Variants in ENTREP2 observed in about 807,000 individuals in gnomAD.
ENTREP2 encodes endosomal transmembrane epsin interactor 2.
At chr15:29,170,582 G>C in the ENTREP2 span, among the ~76,000 whole-genome samples, 1 of 150,006 alleles carries the variant, frequency 6.7e-6, no homozygotes, top group South Asian at 2.1e-4. Context: ...CAACAAGACT[G>C]TGTGTGTGTG....
chr15:29,137,145 T>A, the ENTREP2 span: 1 of 1,480,682 alleles, frequency 6.8e-7, no homozygotes, highest in Non-Finnish European at 8.9e-7. Flanking sequence ...AACGGTGCCG[T>A]GAGGAGTCAC....
At chr15:29,524,821 G>A in the ENTREP2 span, among the ~76,000 whole-genome samples, 1 of 152,228 alleles carries the variant, frequency 6.6e-6, no homozygotes, top group Non-Finnish European at 1.5e-5. Context: ...TGGACCAGAA[G>A]AGTGTGCAGT....
At chr15:29,313,813 A>G in the ENTREP2 span, among the ~76,000 whole-genome samples, 4 of 152,338 alleles carry the variant, frequency 2.6e-5, no homozygotes, top group South Asian at 8.3e-4. Flanking sequence ...TGATCCTGTA[A>G]TAAATCTGGG....
chr15:29,635,407 C>T, the ENTREP2 span, among the ~76,000 whole-genome samples: 2,006 of 152,278 alleles, frequency 0.013, 43 homozygotes, highest in African/African-American at 0.044. Context: ...AGGGGCCATG[C>T]TGGGTCTCCC....
At chr15:29,504,813 T>C in the ENTREP2 span, among the ~76,000 whole-genome samples, 2 of 152,248 alleles carry the variant, frequency 1.3e-5, no homozygotes, top group African/African-American at 2.4e-5. Context: ...ACATTTTTCA[T>C]CTATCAAACT....
the ENTREP2 span, among the ~76,000 whole-genome samples, chr15:29,386,895 T>G: frequency 2.0e-5 from 3 of 152,240 alleles, no homozygotes; most frequent in Non-Finnish European, 2.9e-5. Flanking sequence ...AAGGAGATTT[T>G]GGGCTGAGAC....
the ENTREP2 span, among the ~76,000 whole-genome samples, chr15:29,581,206 T>C: frequency 6.6e-6 from 1 of 152,218 alleles, no homozygotes; most frequent in Admixed American, 6.5e-5. Context: ...AGGTTTCAGA[T>C]TTGATTATAA....
At chr15:29,233,380 C>A in the ENTREP2 span, among the ~76,000 whole-genome samples, 2 of 152,116 alleles carry the variant, frequency 1.3e-5, no homozygotes, top group East Asian at 3.9e-4. Flanking sequence ...CTCACACTCA[C>A]AATTCTGCAT....
At chr15:29,124,603 A>T in the ENTREP2 span, 1 of 1,201,038 alleles carries the variant, frequency 8.3e-7, no homozygotes, top group Non-Finnish European at 1.2e-6. Flanking sequence ...CTGCATTTGG[A>T]AACAATGTAG....
chr15:29,210,932 A>G, the ENTREP2 span, among the ~76,000 whole-genome samples: 2 of 152,090 alleles, frequency 1.3e-5, no homozygotes, highest in Non-Finnish European at 2.9e-5. Flanking sequence ...TCTCTTTCCT[A>G]TGTATATTTT....
chr15:29,518,067 T>C, the ENTREP2 span, among the ~76,000 whole-genome samples: 3 of 152,026 alleles, frequency 2.0e-5, no homozygotes, highest in South Asian at 6.2e-4. Flanking sequence ...CAAGACCCTA[T>C]CTAATTAGGC....
chr15:29,543,732 T>C, the ENTREP2 span, among the ~76,000 whole-genome samples: 8 of 151,916 alleles, frequency 5.3e-5, no homozygotes, highest in East Asian at 1.9e-4. Flanking sequence ...TGAGCCAAGA[T>C]TGCGCCACTG....
chr15:29,451,476 G>A, the ENTREP2 span, among the ~76,000 whole-genome samples: 7 of 152,236 alleles, frequency 4.6e-5, no homozygotes, highest in Admixed American at 4.6e-4. Flanking sequence ...AGCTCATGTC[G>A]GGGGCGCGAG....
At chr15:29,321,046 T>G in the ENTREP2 span, among the ~76,000 whole-genome samples, 3 of 151,950 alleles carry the variant, frequency 2.0e-5, no homozygotes, top group Non-Finnish European at 4.4e-5. Flanking sequence ...TTTTATTTAA[T>G]AAAATAAGCT....
chr15:29,203,083 C>G, the ENTREP2 span, among the ~76,000 whole-genome samples: 1 of 152,196 alleles, frequency 6.6e-6, no homozygotes, highest in Non-Finnish European at 1.5e-5. Flanking sequence ...AATGGTTGAA[C>G]TAATTTACAC....
chr15:29,438,812 A>G, the ENTREP2 span, among the ~76,000 whole-genome samples: 1 of 152,218 alleles, frequency 6.6e-6, no homozygotes. Context: ...ATAGAATTGC[A>G]GGACTGAAAT....
chr15:29,599,773 T>A, the ENTREP2 span, among the ~76,000 whole-genome samples: 1 of 152,194 alleles, frequency 6.6e-6, no homozygotes, highest in Non-Finnish European at 1.5e-5. Context: ...AGTCAACTTT[T>A]TCAAGTTCAA....
the ENTREP2 span, among the ~76,000 whole-genome samples, chr15:29,484,191 A>C: frequency 6.6e-6 from 1 of 152,220 alleles, no homozygotes; most frequent in African/African-American, 2.4e-5. Context: ...ACTGAACTTC[A>C]CATCTAATAA....
At chr15:29,551,944 T>C in the ENTREP2 span, among the ~76,000 whole-genome samples, 1 of 152,222 alleles carries the variant, frequency 6.6e-6, no homozygotes, top group East Asian at 1.9e-4. Context: ...TCATGTCATC[T>C]ATTTTTTCCA....
Sources: allele counts gnomAD v4.1 joint callset (sites outside exome capture counted in the v4.1 genomes callset), GRCh38; gene constraint gnomAD v4.1.1; transcripts MANE v1.5; gene names NCBI Gene and HGNC (gene_info 2026-07-23, HGNC 2026-07-21).